Variants in CDH11 observed in about 807,000 individuals in gnomAD.
The protein encoded by CDH11 is cadherin 11.
CDH11 carries 11 observed loss-of-function variants against 67.8 expected under a neutral mutation model. The observed-to-expected ratio is 0.16, with a 90% CI of 0.10 to 0.27. The LOEUF (loss-of-function observed/expected upper bound fraction) is 0.27. CDH11 is among the 10% of genes least tolerant of loss of function. CDH11 has a pLI of 1.00. For missense variants in CDH11, 847 were observed against 1,031.2 expected, an observed-to-expected ratio of 0.82 and a Z score of 2.45; for synonymous variants, 419 against 400.0, an observed-to-expected ratio of 1.05 and a Z score of -0.57.
intron 2 of CDH11, among the ~76,000 whole-genome samples, chr16:65,037,465 C>T (rs141661674): frequency 6.6e-6 from 1 of 152,292 alleles, no homozygotes; most frequent in Admixed American, 6.5e-5. Context: ...TTGCCATCCC[C>T]ATCACCCCGA....
intron 11 of CDH11, among the ~76,000 whole-genome samples, chr16:64,970,776 T>C (rs1214688742): frequency 5.3e-5 from 8 of 152,236 alleles, no homozygotes; most frequent in African/African-American, 1.9e-4. Flanking sequence ...TGCTCCCATG[T>C]TAAATGGTGG....
intron 11 of CDH11, among the ~76,000 whole-genome samples, chr16:64,967,160 A>G (rs1417949563): frequency 6.6e-6 from 1 of 152,188 alleles, no homozygotes; most frequent in Non-Finnish European, 1.5e-5. Context: ...AACATTTCTG[A>G]TGATCAGTTT....
chr16:65,084,268 T>C (rs1311678350), intron 1 of CDH11, among the ~76,000 whole-genome samples: 1 of 152,084 alleles, frequency 6.6e-6, no homozygotes, highest in Non-Finnish European at 1.5e-5. Context: ...GTGGGAGGAT[T>C]GCTTGAGCCC....
chr16:65,108,545 T>C (rs936634670), intron 1 of CDH11, among the ~76,000 whole-genome samples: 26 of 152,198 alleles, frequency 1.7e-4, no homozygotes, highest in African/African-American at 5.1e-4. Context: ...TTGTTCAAGA[T>C]AGATCTCCCT....
Position 64,947,862 on chromosome 16 carries a change from G to T in CDH11, c.2132C>A (p.Ala711Glu), listed in dbSNP as rs763156004. ...QYMPRPGLRP[A>E]PNSVDVDDFI... ...GTCATCGACATCCACGCTGTTGGGC[G>T]CTGGCCGGAGCCCAGGTCTAGGCAT... Residue 711 changes from alanine to glutamate, a missense_variant, in exon 13 of 13, where the codon GCG becomes GAG. Transcript: ENST00000268603. The T allele has an allele frequency of 6.2e-7, 1 of 1,614,120 alleles. No individual in the cohort carries two copies.
intron 8 of CDH11, among the ~76,000 whole-genome samples, chr16:64,976,836 A>C (rs1194649188): frequency 6.7e-6 from 1 of 149,318 alleles, no homozygotes; most frequent in African/African-American, 2.4e-5. Flanking sequence ...CAACAGAGTG[A>C]GACTCGGTCT....
chr16:65,099,276 A>G (rs575861698), intron 1 of CDH11, among the ~76,000 whole-genome samples: 22 of 152,284 alleles, frequency 1.4e-4, no homozygotes, highest in Non-Finnish European at 2.4e-4. Flanking sequence ...AGGTCTAGGG[A>G]AGCCAAATAT....
rs759584951 is a variant in CDH11 at position 64,971,668 on chromosome 16, T to A, written c.1553A>T (p.Lys518Met). ...TCTTGGTCCATTGGCCGTGTCATCC[T>A]TGTCATCTGCACTAATTGTAACAAT... ...QPIVTISADD[K>M]DDTANGPRFI... The change falls in exon 11 of 13, where the codon AAG (lysine) becomes ATG (methionine). Residue 518 changes from lysine (K) to methionine (M), a missense_variant. By Grantham distance (95) the Lys-to-Met change is moderately conservative (BLOSUM62 -1). Around this residue, in one of 2 missense-constraint regions of CDH11, gnomAD observed 612 missense variants for 678.7 expected, o/e 0.90. Transcript: ENST00000268603. The A allele has an allele frequency of 7.4e-6, 12 of 1,613,010 alleles. No individual in the cohort carries two copies. Among genetic ancestry groups the A allele is most frequent in the Non-Finnish European group, 1.0e-5 (12 of 1,179,134 alleles).
intron 2 of CDH11, among the ~76,000 whole-genome samples, chr16:65,013,122 C>G (rs528883203): frequency 1.3e-5 from 2 of 152,110 alleles, no homozygotes; most frequent in Non-Finnish European, 2.9e-5. Context: ...TTTGCCTAGA[C>G]GGATGTTTTC....
chr16:65,002,023 C>G (rs949478723), intron 3 of CDH11, among the ~76,000 whole-genome samples: 2 of 152,168 alleles, frequency 1.3e-5, no homozygotes, highest in African/African-American at 2.4e-5. Context: ...TGAATGTCAT[C>G]AAATCAAAGG....
At chr16:65,105,954 G>C (rs1398651534) in intron 1 of CDH11, among the ~76,000 whole-genome samples, 2 of 152,182 alleles carry the variant, frequency 1.3e-5, no homozygotes, top group East Asian at 3.8e-4. Flanking sequence ...TACATGCTTT[G>C]TTTTCACAAC....
At chr16:65,019,498 A>G (rs762814310) in intron 2 of CDH11, among the ~76,000 whole-genome samples, 1 of 152,208 alleles carries the variant, frequency 6.6e-6, no homozygotes, top group Admixed American at 6.5e-5. Flanking sequence ...TGTTCAAGAC[A>G]GAAAGCCAAA....
intron 2 of CDH11, among the ~76,000 whole-genome samples, chr16:65,036,470 C>T (rs1013253537): frequency 2.6e-5 from 4 of 152,122 alleles, no homozygotes; most frequent in Admixed American, 1.3e-4. Context: ...AAGAGATTGA[C>T]TTTGTGAAAA....
intron 1 of CDH11, among the ~76,000 whole-genome samples, chr16:65,057,723 C>A (rs368300121): frequency 3.2e-4 from 48 of 152,030 alleles, no homozygotes; most frequent in Non-Finnish European, 3.7e-4. Context: ...CAGCATAGCC[C>A]GAGGAGATGG....
chr16:65,093,272 C>T (rs1235701341), intron 1 of CDH11, among the ~76,000 whole-genome samples: 2 of 149,160 alleles, frequency 1.3e-5, no homozygotes, highest in Non-Finnish European at 3.0e-5. Flanking sequence ...AAATTCCACC[C>T]TGGATGCTGT....
chr16:65,024,678 C>A (rs1293933723), intron 2 of CDH11, among the ~76,000 whole-genome samples: 1 of 152,216 alleles, frequency 6.6e-6, no homozygotes, highest in African/African-American at 2.4e-5. Flanking sequence ...CATAAAACAT[C>A]TGTTCAATGA....
chr16:65,103,263 AAT>A (rs1436579579), intron 1 of CDH11, among the ~76,000 whole-genome samples: 8 of 152,180 alleles, frequency 5.3e-5, no homozygotes, highest in African/African-American at 1.9e-4. Flanking sequence ...TTAGTATATA[AAT>A]ATATGTTTTA....
At chr16:65,038,291 T>C (rs2073794019) in intron 2 of CDH11, among the ~76,000 whole-genome samples, 1 of 152,116 alleles carries the variant, frequency 6.6e-6, no homozygotes, top group East Asian at 1.9e-4. Context: ...CGCGGGACGC[T>C]GCTATCCCAC....
At chr16:65,078,024 G>A (rs1167265256) in intron 1 of CDH11, among the ~76,000 whole-genome samples, 1 of 152,196 alleles carries the variant, frequency 6.6e-6, no homozygotes, top group East Asian at 1.9e-4. Context: ...TCTGATTTGT[G>A]AACTATGATC....
Sources: allele counts gnomAD v4.1 joint callset (sites outside exome capture counted in the v4.1 genomes callset), GRCh38; gene constraint gnomAD v4.1.1; regional missense constraint gnomAD v4.1.1; transcripts MANE v1.5; gene names NCBI Gene and HGNC (gene_info 2026-07-23, HGNC 2026-07-21).